EPB41: variants seen among roughly 807,000 people sequenced by gnomAD.
The protein encoded by EPB41 is erythrocyte membrane protein band 4.1.
Under a neutral mutation model 108.0 loss-of-function variants are expected in EPB41, and 65 were observed. That is an observed-to-expected ratio of 0.60 (90% CI 0.49 to 0.74). EPB41 has a LOEUF of 0.74. Among genes scored for constraint, EPB41 ranks in the 30% least tolerant of loss-of-function variants. The pLI, the probability that EPB41 is intolerant of heterozygous loss-of-function variation, is 0.00. For missense variants in EPB41, 875 were observed against 1,037.0 expected (o/e 0.84, Z 2.15); for synonymous variants, 336 against 358.9 (o/e 0.94, Z 0.72).
intron 16 of EPB41, among the ~76,000 whole-genome samples, chr1:29,084,843 A>G (rs775022898): frequency 1.3e-5 from 2 of 152,068 alleles, no homozygotes; most frequent in African/African-American, 4.8e-5. Flanking sequence ...TTCTTTCTTC[A>G]AAGTTGTGAT....
chr1:29,114,878 G>A (rs1443532189), intron 19 of EPB41, among the ~76,000 whole-genome samples: 1 of 152,028 alleles, frequency 6.6e-6, no homozygotes, highest in African/African-American at 2.4e-5. Flanking sequence ...ACTTAGGCTA[G>A]TGCATGGCAT....
rs74467003 is a variant in EPB41 at position 28,887,375 on chromosome 1, C to G, written c.-8+165C>G. 2,294 of 985,408 alleles carry G rather than the reference C, an allele frequency of 2.3e-3. 41 individuals carry two copies. In the African/African-American group the frequency reaches 0.037, roughly 16 times the overall value. The allele number at this position is 985,408 out of a possible 1,614,324, so 61.0% of individuals were successfully genotyped here. On this transcript the variant is annotated intron_variant, in intron 1 of 16. Coordinates refer to the EPB41 transcript ENST00000347529. The surrounding 1 kb of genome is among the most constrained non-coding windows in gnomAD (Gnocchi z 4.9). ...GCGGTCCCGAATTCCAGAATCCGAACTTGGGGTCCAAAGGAGTCTGGGCAT... is the reference window on the plus strand; with the variant it reads ...GCGGTCCCGAATTCCAGAATCCGAAGTTGGGGTCCAAAGGAGTCTGGGCAT...
chr1:28,904,587 A>G (rs927740589), intron 1 of EPB41, among the ~76,000 whole-genome samples: 1 of 152,076 alleles, frequency 6.6e-6, no homozygotes, highest in Admixed American at 6.6e-5. Context: ...TCATGACAGT[A>G]TTAGTGCCCT....
intron 17 of EPB41, among the ~76,000 whole-genome samples, chr1:29,101,134 G>C (rs1558311999): frequency 6.6e-6 from 1 of 152,012 alleles, no homozygotes; most frequent in Non-Finnish European, 1.5e-5. Context: ...TGAGGCAGGA[G>C]AATCGCTTGA....
intron 1 of EPB41, among the ~76,000 whole-genome samples, chr1:28,968,608 A>C (rs2149262799): frequency 6.6e-6 from 1 of 152,264 alleles, no homozygotes; most frequent in East Asian, 1.9e-4. Context: ...GAAATGTATT[A>C]GGTTGATGCA....
chr1:29,024,360 G>A (rs920542542), intron 7 of EPB41, among the ~76,000 whole-genome samples: 15 of 137,102 alleles, frequency 1.1e-4, no homozygotes, highest in African/African-American at 3.9e-4. Context: ...AAGGCCGAGC[G>A]TGGTGGCTCA....
At chr1:29,003,163 C>T (rs781432837) in intron 4 of EPB41, among the ~76,000 whole-genome samples, 16 of 152,314 alleles carry the variant, frequency 1.1e-4, no homozygotes, top group Non-Finnish European at 1.9e-4. Flanking sequence ...ATAAGACCTT[C>T]TCTAGAAGTA....
chr1:29,030,754 C>T (rs769188445), intron 8 of EPB41, among the ~76,000 whole-genome samples: 22 of 150,146 alleles, frequency 1.5e-4, no homozygotes, highest in Non-Finnish European at 3.0e-4. Flanking sequence ...CCAGCCCTGG[C>T]GACAGAGCAA....
chr1:28,924,046 TG>T (rs1231239832), intron 1 of EPB41, among the ~76,000 whole-genome samples: 2 of 152,212 alleles, frequency 1.3e-5, no homozygotes, highest in African/African-American at 4.8e-5. Context: ...TCCCTCTCCC[TG>T]GGACCACTAG....
intron 11 of EPB41, among the ~76,000 whole-genome samples, chr1:29,042,632 C>A (rs1641940312): frequency 6.6e-6 from 1 of 152,100 alleles, no homozygotes; most frequent in Non-Finnish European, 1.5e-5. Flanking sequence ...GCATGTGCCA[C>A]CATACCTGGC....
At position 28,887,340 on chromosome 1, in the gene EPB41, G is replaced by C. The variant is rs1450229400; in HGVS notation, c.-8+130G>C. The C allele has an allele frequency of 3.5e-6, 4 of 1,158,700 alleles. No individual in the cohort carries two copies. Among genetic ancestry groups the C allele is most frequent in the African/African-American group, 3.3e-5 (2 of 60,582 alleles). The allele number at this position is 1,158,700 out of a possible 1,614,324, so 71.8% of individuals were successfully genotyped here. A position where few individuals can be genotyped will look rare whatever the true frequency, so the allele number is the denominator to read the frequency against. Reference sequence around the variant, plus strand: ...GACCAGGGTCGAAGGGTCCAGGGCTGAGGGGTCCAGCGGTCCCGAATTCCA... The same window carrying C: ...GACCAGGGTCGAAGGGTCCAGGGCTCAGGGGTCCAGCGGTCCCGAATTCCA... On this transcript the variant is annotated intron_variant, in intron 1 of 16. Transcript: ENST00000347529. The surrounding 1 kb of genome is among the most constrained non-coding windows in gnomAD (Gnocchi z 4.9).
intron 4 of EPB41, among the ~76,000 whole-genome samples, chr1:29,004,022 A>G (rs1483873596): frequency 6.6e-6 from 1 of 152,232 alleles, no homozygotes; most frequent in Non-Finnish European, 1.5e-5. Context: ...CTTGCCTCGC[A>G]AAGTGCTGGA....
intron 11 of EPB41, among the ~76,000 whole-genome samples, chr1:29,045,922 G>A (rs1643053875): frequency 6.6e-6 from 1 of 151,644 alleles, no homozygotes; most frequent in Non-Finnish European, 1.5e-5. Flanking sequence ...GCTGCAGTGA[G>A]CTGTGCTTGT....
At chr1:28,910,375 C>G (rs1221109104), upstream of EPB41, among the ~76,000 whole-genome samples, 1 of 152,148 alleles carries the variant, frequency 6.6e-6, no homozygotes, top group African/African-American at 2.4e-5. Flanking sequence ...AAGCACTACT[C>G]TTCATATACT....
intron 17 of EPB41, among the ~76,000 whole-genome samples, chr1:29,098,568 C>T (rs913105911): frequency 6.6e-6 from 1 of 152,128 alleles, no homozygotes; most frequent in South Asian, 2.1e-4. Flanking sequence ...ATAAGGCAGT[C>T]TGGTGTAATG....
At chr1:29,009,414 C>A (rs1478841853) in intron 4 of EPB41, among the ~76,000 whole-genome samples, 1 of 152,088 alleles carries the variant, frequency 6.6e-6, no homozygotes, top group Non-Finnish European at 1.5e-5. Context: ...TTTGCCTTCC[C>A]TATGTCAAGT....
chr1:28,960,717 T>C (rs2095174607), intron 1 of EPB41, among the ~76,000 whole-genome samples: 2 of 139,348 alleles, frequency 1.4e-5, no homozygotes, highest in Admixed American at 1.4e-4. Context: ...GCGACAGAGA[T>C]CCTGTCGCAA....
At chr1:29,039,513 T>G (rs539753567) in intron 11 of EPB41, 87 bp downstream of exon 11, 3 of 1,544,826 alleles carry the variant, frequency 1.9e-6, no homozygotes, top group Admixed American at 1.8e-5. Flanking sequence ...AGAACCGAAT[T>G]AAAGAAGCTC....
intron 3 of EPB41, among the ~76,000 whole-genome samples, chr1:28,993,796 A>G (rs1001292784): frequency 1.3e-5 from 2 of 151,260 alleles, no homozygotes; most frequent in African/African-American, 4.9e-5. Context: ...AGCTGGGATT[A>G]CAGCCATGTG....
Sources: gnomAD v4.1 joint callset for allele counts (sites outside exome capture counted in the v4.1 genomes callset) on GRCh38, gnomAD v4.1.1 for gene constraint, Gnocchi (gnomAD v3.1) non-coding constraint, MANE v1.5 for transcripts, NCBI Gene and HGNC (gene_info 2026-07-23, HGNC 2026-07-21) for gene names.